The following LRRC19 variants were observed in gnomAD, a reference collection of about 807,000 sequenced individuals.
LRRC19 encodes the protein leucine rich repeat containing 19.
LRRC19 carries 33 observed loss-of-function variants against 33.3 expected under a neutral mutation model. The observed-to-expected ratio is 0.99, with a 90% CI of 0.75 to 1.33. The LOEUF is 1.33. Among genes scored for constraint, LRRC19 ranks in the 40% most tolerant of loss-of-function variants. The pLI is 0.00. For synonymous variants in LRRC19, 184 were observed against 152.3 expected, an observed-to-expected ratio of 1.21 and a Z score of -1.53; for missense variants, 463 against 417.3, an observed-to-expected ratio of 1.11 and a Z score of -0.95.
chr9:26,993,665 T>G lies in LRRC19; in HGVS notation c.*1856A>C, dbSNP rs1189371328. 6.6e-6 allele frequency: 1 copy of G among 152,236 alleles called. No homozygotes were observed. The highest frequency in any genetic ancestry group is 1.5e-5 in the Non-Finnish European group (1 of 68,022). The allele number at this position is 152,236 out of a possible 1,614,324, so 9.4% of individuals were successfully genotyped here. On this transcript the variant is annotated 3_prime_UTR_variant, in exon 5 of 5. Transcript: ENST00000380055. The stretch of plus-strand genomic sequence containing the variant: ...GTACATACAAATTTTTAAAACTTTA[T>G]TATATACATAAACAATTTGAACATA...
At chr9:26,997,550 T>A (rs1304163889) in intron 3 of LRRC19, among the ~76,000 whole-genome samples, 178 bp downstream of exon 3, 3 of 152,130 alleles carry the variant, frequency 2.0e-5, no homozygotes, top group Non-Finnish European at 4.4e-5. Context: ...GCCAGGCTGG[T>A]CTCAAACTCC....
In LRRC19 at chr9:26,995,334, T is replaced by C. The variant is rs1341322791; in HGVS notation, c.*187A>G. The C allele has an allele frequency of 3.7e-5, 19 of 508,444 alleles. No homozygotes were observed. Among genetic ancestry groups the C allele is most frequent in the Non-Finnish European group, 3.5e-6 (1 of 282,724 alleles). 31.5% of individuals were successfully genotyped at this position (508,444 alleles called of 1,614,324 possible). A position where few individuals can be genotyped will look rare whatever the true frequency, so the allele number is the denominator to read the frequency against. ...TATGTAACTGTCAACTACCGAGGAG[T>C]GTCAGTTACTGTATTTGAACCTGCT... On this transcript the variant is annotated 3_prime_UTR_variant, in exon 5 of 5. Coordinates refer to ENST00000380055, the MANE Select transcript of LRRC19 (RefSeq NM_022901.3).
chr9:26,999,845 C>T (rs1263193196), intron 1 of LRRC19, 142 bp from the exon 2 acceptor site: 2 of 548,370 alleles, frequency 3.6e-6, no homozygotes, highest in East Asian at 3.0e-5. Flanking sequence ...GGTCACAGCT[C>T]ACTGCAGCCT....
intron 1 of LRRC19, among the ~76,000 whole-genome samples, chr9:26,999,917 T>G (rs1395414542): frequency 6.6e-6 from 1 of 151,838 alleles, no homozygotes; most frequent in African/African-American, 2.4e-5. Flanking sequence ...AACACAAGCA[T>G]GCACTACCAT....
chr9:26,995,330 G>A lies in LRRC19; in HGVS notation c.*191C>T, dbSNP rs1828085918. 2.0e-6 allele frequency: 1 copy of A among 505,940 alleles called. No homozygotes were observed. The allele number at this position is 505,940 out of a possible 1,614,324, so 31.3% of individuals were successfully genotyped here. On this transcript the variant is annotated 3_prime_UTR_variant, in exon 5 of 5. Coordinates refer to ENST00000380055, the MANE Select transcript of LRRC19 (RefSeq NM_022901.3). The stretch of plus-strand genomic sequence containing the variant: ...AGACTATGTAACTGTCAACTACCGA[G>A]GAGTGTCAGTTACTGTATTTGAACC...
intron 1 of LRRC19, among the ~76,000 whole-genome samples, chr9:27,001,298 C>G (rs1359235304): frequency 1.3e-5 from 2 of 151,982 alleles, no homozygotes; most frequent in Admixed American, 1.3e-4. Context: ...ATATATTCAT[C>G]TCTTTTTTTT....
intron 2 of LRRC19, among the ~76,000 whole-genome samples, chr9:26,998,934 C>A (rs1390972413): frequency 6.6e-6 from 1 of 152,166 alleles, no homozygotes; most frequent in Non-Finnish European, 1.5e-5. Context: ...GCGGAGGTTG[C>A]AGTGAGCTGA....
intron 4 of LRRC19, 129 bp from the exon 5 acceptor site, chr9:26,995,978 A>AT: frequency 4.1e-6 from 3 of 735,908 alleles, no homozygotes; most frequent in South Asian, 5.4e-5. Context: ...TTTTCTTTAG[A>AT]TTTTGTTTGG....
chr9:26,996,587 T>C, intron 3 of LRRC19, 88 bp from the exon 4 acceptor site: 1 of 956,368 alleles, frequency 1.0e-6, no homozygotes, highest in East Asian at 3.1e-5. Context: ...ATTTTTGACA[T>C]ATTTGTCATT....
At chr9:26,996,088 A>G (rs1459343061) in intron 4 of LRRC19, among the ~76,000 whole-genome samples, 1 of 152,162 alleles carries the variant, frequency 6.6e-6, no homozygotes, top group Non-Finnish European at 1.5e-5. Context: ...TTGTGACTAG[A>G]CTAGTTAAAA....
At position 26,999,646 on chromosome 9, in the gene LRRC19, A is replaced by G. The variant is rs1472741134; in HGVS notation, c.49T>C (p.Leu17=). Residue 17 remains leucine (L), a synonymous_variant, in exon 2 of 5, where the codon TTA becomes CTA. Coordinates refer to ENST00000380055, the MANE Select transcript of LRRC19 (RefSeq NM_022901.3). ...TILFWPLSMI[L]LSDKIQSSKR... ...GAAGACTGGATTTTGTCTGATAATA[A>G]TATCATGGAGAGGGGCCAAAAGAGG... 19 of 1,609,504 alleles carry G rather than the reference A, an allele frequency of 1.2e-5. No homozygotes were observed. The highest frequency in any genetic ancestry group is 3.4e-5 in the Admixed American group (2 of 59,494).
intron 2 of LRRC19, among the ~76,000 whole-genome samples, chr9:26,998,641 G>A (rs1828301594): frequency 6.6e-6 from 1 of 152,116 alleles, no homozygotes; most frequent in African/African-American, 2.4e-5. Context: ...AACTATATGT[G>A]TTTTTAAAAT....
intron 1 of LRRC19, among the ~76,000 whole-genome samples, chr9:27,001,942 C>CT (rs35725614): frequency 0.28 from 40,162 of 144,958 alleles, 6,290 homozygotes; most frequent in Non-Finnish European, 0.36. Flanking sequence ...CTTTTTTTCT[C>CT]TTTTTTTTTT....
At chr9:27,002,871 G>A (rs890741379) in intron 1 of LRRC19, among the ~76,000 whole-genome samples, 3 of 151,774 alleles carry the variant, frequency 2.0e-5, no homozygotes, top group African/African-American at 7.3e-5. Flanking sequence ...TCAGTAAATT[G>A]CTTTGGTTAG....
In LRRC19 at chr9:26,998,221, A is replaced by AG; in HGVS notation, c.101dup (p.Glu35Ter). The AG allele has an allele frequency of 6.7e-7, 1 of 1,484,140 alleles. No homozygotes were observed. The highest frequency in any genetic ancestry group is 9.0e-7 in the Non-Finnish European group (1 of 1,106,402). The allele number at this position is 1,484,140 out of a possible 1,614,324, so 91.9% of individuals were successfully genotyped here. On this transcript the variant is annotated frameshift_variant, in exon 3 of 5. Coordinates refer to ENST00000380055, the MANE Select transcript of LRRC19 (RefSeq NM_022901.3). LOFTEE classifies it high-confidence loss of function. ...CTGGAATCAAGGTATAATTTTTTTC[A>AG]GTAAAATTACATTGGACTTCCTAGA...
chr9:27,000,788 A>G lies in LRRC19; in HGVS notation c.-9-1085T>C, dbSNP rs1341883299. ...AAACCACCGTGGCACATGTTTACCTATGTAACAAACCTGCATAACCTGCAC... is the reference window on the plus strand; with the variant it reads ...AAACCACCGTGGCACATGTTTACCTGTGTAACAAACCTGCATAACCTGCAC... On this transcript the variant is annotated intron_variant, in intron 1 of 4. Coordinates refer to ENST00000380055, the MANE Select transcript of LRRC19 (RefSeq NM_022901.3). 5.9e-5 allele frequency among the ~76,000 whole-genome samples: 9 copies of G among 152,324 alleles called. No homozygotes were observed. The East Asian group carries it at 1.2e-3, about 20-fold the overall frequency.
intron 3 of LRRC19, 133 bp from the exon 4 acceptor site, chr9:26,996,632 G>T: frequency 1.9e-6 from 1 of 516,856 alleles, no homozygotes. Flanking sequence ...TGTTGTATTT[G>T]TCTAGCAACA....
At chr9:27,002,507 T>C (rs1222653770) in intron 1 of LRRC19, among the ~76,000 whole-genome samples, 2 of 152,230 alleles carry the variant, frequency 1.3e-5, no homozygotes, top group Admixed American at 1.3e-4. Flanking sequence ...TTTCCATATA[T>C]AGTTATGCAG....
intron 3 of LRRC19, 62 bp downstream of exon 3, chr9:26,997,666 T>C: frequency 6.6e-7 from 1 of 1,504,182 alleles, no homozygotes; most frequent in Non-Finnish European, 8.9e-7. Context: ...ATATGAGAGA[T>C]TTTTCTGTGG....
Sources: gnomAD v4.1 joint callset for allele counts (sites outside exome capture counted in the v4.1 genomes callset) on GRCh38, gnomAD v4.1.1 for gene constraint, MANE v1.5 for transcripts, NCBI Gene and HGNC (gene_info 2026-07-23, HGNC 2026-07-21) for gene names.